NKAIN2: variants seen among roughly 807,000 people sequenced by gnomAD.
The protein encoded by NKAIN2 is sodium/potassium-transporting ATPase subunit beta-1-interacting protein 2.
In NKAIN2, 14 loss-of-function variants were observed where a neutral mutation model predicts 32.6. That is an observed-to-expected ratio of 0.43 (90% CI 0.28 to 0.67). The LOEUF (loss-of-function observed/expected upper bound fraction) is 0.67, where lower values mean the gene tolerates loss of function less well. NKAIN2 is among the 30% of genes least tolerant of loss of function. The pLI is 0.17. For missense variants in NKAIN2, 198 were observed against 258.3 expected (o/e 0.77, Z 1.60); for synonymous variants, 80 against 87.2 (o/e 0.92, Z 0.46).
At chr6:124,249,806 G>A (rs1167620256) in intron 1 of NKAIN2, among the ~76,000 whole-genome samples, 1 of 152,098 alleles carries the variant, frequency 6.6e-6, no homozygotes, top group Non-Finnish European at 1.5e-5. Flanking sequence ...TTAAAACTTA[G>A]AGCTGGCTGG....
intron 1 of NKAIN2, among the ~76,000 whole-genome samples, chr6:124,104,639 G>A (rs1785036211): frequency 1.3e-5 from 2 of 152,106 alleles, no homozygotes; most frequent in Admixed American, 6.5e-5. Context: ...TGTTTTAAAA[G>A]CATCTAAAAT....
chr6:124,682,328 C>T (rs1166941124), intron 4 of NKAIN2, among the ~76,000 whole-genome samples: 1 of 151,904 alleles, frequency 6.6e-6, no homozygotes, highest in Non-Finnish European at 1.5e-5. Flanking sequence ...TAGAAAACTT[C>T]AAAAAGCTTA....
rs915039338 is a variant in NKAIN2 at position 124,244,359 on chromosome 6, C to G, written c.55-38646C>G. The stretch of plus-strand genomic sequence containing the variant: ...TGCATTGTTTGGTTTTTTGTTCTTG[C>G]GATAGTTTACTGAGAATGATGATTT... On this transcript the variant is annotated intron_variant, in intron 1 of 6. Coordinates refer to ENST00000368417, the MANE Select transcript of NKAIN2 (RefSeq NM_001040214.3). Among the ~76,000 whole-genome samples the G allele has an allele frequency of 4.0e-5, 6 of 150,286 alleles. No individual in the cohort carries two copies. The Admixed American group carries it at 4.0e-4, about 10-fold the overall frequency.
At chr6:124,337,724 G>A (rs1239796691) in intron 2 of NKAIN2, among the ~76,000 whole-genome samples, 1 of 152,198 alleles carries the variant, frequency 6.6e-6, no homozygotes, top group Non-Finnish European at 1.5e-5. Flanking sequence ...TAGTTACCCT[G>A]TTGAGCAGGT....
At chr6:124,723,759 A>C (rs1776140540) in intron 4 of NKAIN2, among the ~76,000 whole-genome samples, 1 of 152,232 alleles carries the variant, frequency 6.6e-6, no homozygotes, top group Non-Finnish European at 1.5e-5. Context: ...GCTTATGCCA[A>C]AGAATTTTTA....
At chr6:124,310,069 G>A (rs1467936882) in intron 2 of NKAIN2, among the ~76,000 whole-genome samples, 1 of 152,064 alleles carries the variant, frequency 6.6e-6, no homozygotes. Flanking sequence ...ATGGAGCTTG[G>A]TGGGAATAGA....
intron 4 of NKAIN2, among the ~76,000 whole-genome samples, chr6:124,762,507 T>C (rs1468178479): frequency 6.6e-6 from 1 of 152,168 alleles, no homozygotes; most frequent in East Asian, 1.9e-4. Flanking sequence ...AAAAATATAG[T>C]CATAAAAGTA....
At chr6:124,710,139 T>C (rs1562337692) in intron 4 of NKAIN2, among the ~76,000 whole-genome samples, 1 of 151,468 alleles carries the variant, frequency 6.6e-6, no homozygotes, top group Non-Finnish European at 1.5e-5. Flanking sequence ...AGTTGAGCGG[T>C]TTTGAGTGAG....
intron 1 of NKAIN2, among the ~76,000 whole-genome samples, chr6:124,057,963 T>C (rs1440453313): frequency 6.6e-6 from 1 of 152,072 alleles, no homozygotes; most frequent in African/African-American, 2.4e-5. Flanking sequence ...ATTAGGTATT[T>C]GCTCACAAGA....
chr6:124,439,217 C>T (rs949611277), intron 3 of NKAIN2, among the ~76,000 whole-genome samples: 4 of 152,134 alleles, frequency 2.6e-5, no homozygotes, highest in East Asian at 3.9e-4. Flanking sequence ...TGTTTTCTAG[C>T]TCATGAATGA....
chr6:124,563,801 G>A (rs1354396501), intron 3 of NKAIN2, among the ~76,000 whole-genome samples: 1 of 152,166 alleles, frequency 6.6e-6, no homozygotes, highest in Non-Finnish European at 1.5e-5. Flanking sequence ...CTCCGGAGTA[G>A]CTGGGAGTAT....
chr6:124,032,914 T>G (rs1286995551), intron 1 of NKAIN2, among the ~76,000 whole-genome samples: 5 of 152,090 alleles, frequency 3.3e-5, no homozygotes, highest in African/African-American at 1.2e-4. Flanking sequence ...TGTTCTGTTT[T>G]TATATGTAAT....
intron 2 of NKAIN2, among the ~76,000 whole-genome samples, chr6:124,287,417 T>C (rs1582993442): frequency 6.6e-6 from 1 of 152,314 alleles, no homozygotes; most frequent in Non-Finnish European, 1.5e-5. Context: ...TTGGTAATGA[T>C]TTTTGTTTTC....
At chr6:124,706,986 C>T (rs1253474869) in intron 4 of NKAIN2, among the ~76,000 whole-genome samples, 1 of 142,738 alleles carries the variant, frequency 7.0e-6, no homozygotes, top group Non-Finnish European at 1.5e-5. Context: ...GCTATCCGTC[C>T]CCCCTCCCCC....
intron 2 of NKAIN2, among the ~76,000 whole-genome samples, chr6:124,290,022 C>A (rs1013182053): frequency 6.6e-6 from 1 of 150,850 alleles, no homozygotes; most frequent in Non-Finnish European, 1.5e-5. Flanking sequence ...GAAAATAAGT[C>A]TTTTCCCATA....
chr6:124,765,442 T>A lies in NKAIN2; in HGVS notation c.475-25897T>A, dbSNP rs80045798. On this transcript the variant is annotated intron_variant, in intron 4 of 6. Transcript: ENST00000368417. ...TGTTCAGTCCCTGGTTTTATCAAGCTGCCGCACAGCACTTCTGTCCTGAAA... is the reference window on the plus strand; with the variant it reads ...TGTTCAGTCCCTGGTTTTATCAAGCAGCCGCACAGCACTTCTGTCCTGAAA... Among the ~76,000 whole-genome samples the A allele has an allele frequency of 4.0e-3, 605 of 152,332 alleles. 2 individuals carry two copies. Among genetic ancestry groups the A allele is most frequent in the African/African-American group, 0.014 (583 of 41,584 alleles).
In NKAIN2 at chr6:124,081,740, G is replaced by A. The variant is rs943968339; in HGVS notation, c.55-201265G>A. Among the ~76,000 whole-genome samples the A allele has an allele frequency of 2.6e-5, 4 of 152,094 alleles. 1 individual carries two copies. Among genetic ancestry groups the A allele is most frequent in the Admixed American group, 2.6e-4 (4 of 15,258 alleles). ...AATTCTGACTTTTCAAGGCCAATTT[G>A]CAATACACCATAGACTTATTAGTGC... On this transcript the variant is annotated intron_variant, in intron 1 of 6. Transcript: ENST00000368417.
At chr6:124,485,561 C>T (rs755883276) in intron 3 of NKAIN2, among the ~76,000 whole-genome samples, 21 of 151,716 alleles carry the variant, frequency 1.4e-4, no homozygotes, top group African/African-American at 2.4e-4. Flanking sequence ...ATATAACATG[C>T]GTCTCAGCTT....
intron 4 of NKAIN2, among the ~76,000 whole-genome samples, chr6:124,753,043 G>A (rs1053871050): frequency 7.9e-5 from 12 of 152,072 alleles, no homozygotes; most frequent in Non-Finnish European, 1.5e-4. Context: ...GAGGTCAGGT[G>A]AGGTTAGGTT....
Sources: allele counts gnomAD v4.1 joint callset (sites outside exome capture counted in the v4.1 genomes callset), GRCh38; gene constraint gnomAD v4.1.1; transcripts MANE v1.5; gene names NCBI Gene and HGNC (gene_info 2026-07-23, HGNC 2026-07-21).